Variants in RARB observed in about 807,000 individuals in gnomAD.
The protein encoded by RARB is HBV-activated protein.
A neutral mutation model predicts 51.9 loss-of-function variants in RARB; 17 were observed. The ratio of observed to expected loss-of-function variants is 0.33; its 90% confidence interval spans 0.22 to 0.49. RARB has a LOEUF of 0.49. RARB is among the 20% of genes least tolerant of loss of function. The pLI is 0.99. For synonymous variants in RARB, 215 were observed against 195.4 expected, an observed-to-expected ratio of 1.10 and a Z score of -0.84; for missense variants, 369 against 550.8, an observed-to-expected ratio of 0.67 and a Z score of 3.30.
intron 5 of RARB, among the ~76,000 whole-genome samples, chr3:25,201,019 A>G (rs1701376501): frequency 6.6e-6 from 1 of 152,200 alleles, no homozygotes; most frequent in African/African-American, 2.4e-5. Context: ...TTGAATCTAT[A>G]AATTACCTTG....
chr3:24,841,773 A>G (rs994715659), intron 1 of RARB, among the ~76,000 whole-genome samples: 9 of 152,352 alleles, frequency 5.9e-5, no homozygotes, highest in Admixed American at 3.9e-4. Context: ...TTGTATATCT[A>G]TGAAGAATAA....
At chr3:25,108,113 A>G (rs560347856) in intron 3 of RARB, among the ~76,000 whole-genome samples, 1 of 152,206 alleles carries the variant, frequency 6.6e-6, no homozygotes, top group East Asian at 1.9e-4. Context: ...CACTGGACAA[A>G]GGAATGATTC....
At chr3:25,174,488 C>G (rs1700704021) in exon 5 of RARB, 1 of 1,352,026 alleles carries the variant, frequency 7.4e-7, no homozygotes, top group African/African-American at 1.5e-5. Flanking sequence ...ACTCTTTCCA[C>G]CTGTCATCGG....
intron 2 of RARB, among the ~76,000 whole-genome samples, chr3:25,495,537 A>G (rs1189631498): frequency 6.6e-6 from 1 of 152,236 alleles, no homozygotes; most frequent in Non-Finnish European, 1.5e-5. Flanking sequence ...TGGGCATTCC[A>G]TAATTACTGC....
intron 2 of RARB, among the ~76,000 whole-genome samples, chr3:24,950,883 C>A (rs1695876249): frequency 6.6e-6 from 1 of 152,152 alleles, no homozygotes; most frequent in Admixed American, 6.5e-5. Flanking sequence ...AGAAATGCAA[C>A]TACCTCCACC....
At chr3:25,316,836 G>A (rs1162826906) in intron 5 of RARB, among the ~76,000 whole-genome samples, 1 of 152,128 alleles carries the variant, frequency 6.6e-6, no homozygotes, top group Non-Finnish European at 1.5e-5. Flanking sequence ...TGACTATAAA[G>A]GACAGAGAAA....
intron 5 of RARB, among the ~76,000 whole-genome samples, chr3:25,249,980 T>G (rs1037776590): frequency 1.3e-5 from 1 of 74,868 alleles, no homozygotes; most frequent in Admixed American, 1.1e-4. Flanking sequence ...AGTGGTGGGC[T>G]CGGTGGGTGG....
At chr3:25,032,537 G>A (rs1559441092) in intron 2 of RARB, among the ~76,000 whole-genome samples, 1 of 152,178 alleles carries the variant, frequency 6.6e-6, no homozygotes, top group African/African-American at 2.4e-5. Context: ...AGGCACTACT[G>A]CATATTCAAA....
rs182435766 is a variant in RARB, at chr3:25,292,102, C to A, written c.178+117527C>A. Among the ~76,000 whole-genome samples the A allele has an allele frequency of 5.0e-3, 755 of 151,964 alleles. 3 individuals carry two copies. Among genetic ancestry groups the A allele is most frequent in the Non-Finnish European group, 7.5e-3 (508 of 67,972 alleles). On this transcript the variant is annotated intron_variant, in intron 5 of 11. Coordinates refer to the RARB transcript ENST00000383772. ...TTAATTGTTTCTCAAACTCCCCATC[C>A]TTTTCTTGAAGAATACCCTGCTTCA...
At position 25,309,414 on chromosome 3, in the gene RARB, C is replaced by G. The variant is rs9862980; in HGVS notation, c.178+134839C>G. 3.2e-3 allele frequency among the ~76,000 whole-genome samples: 477 copies of G among 148,524 alleles called. 3 individuals are homozygous for G. Among genetic ancestry groups the G allele is most frequent in the African/African-American group, 0.011 (452 of 40,526 alleles). ...TTGGCTTCCCAAAGTGCTGGGATAACAGGCGTGAGCCACCATGCCCGGCCT... is the reference window on the plus strand; with the variant it reads ...TTGGCTTCCCAAAGTGCTGGGATAAGAGGCGTGAGCCACCATGCCCGGCCT... On this transcript the variant is annotated intron_variant, in intron 5 of 11. Coordinates refer to the RARB transcript ENST00000383772.
intron 3 of RARB, among the ~76,000 whole-genome samples, chr3:25,074,208 A>C (rs62228543): frequency 0.077 from 11,707 of 152,290 alleles, 520 homozygotes; most frequent in Middle Eastern, 0.11. Flanking sequence ...TTTCCTCCCC[A>C]TAAGGGTTTT....
rs939341625 is a variant in RARB at position 25,513,033 on chromosome 3, T to C, written c.448+11710T>C. On this transcript the variant is annotated intron_variant, in intron 3 of 7. Coordinates refer to ENST00000330688, the MANE Select transcript of RARB (RefSeq NM_000965.5). Reference sequence around the variant, plus strand: ...GGCTGGGTGCGATGGCTCATGCCTGTAATCCCAGCACTTTGGGAGGTGGAT... The same window carrying C: ...GGCTGGGTGCGATGGCTCATGCCTGCAATCCCAGCACTTTGGGAGGTGGAT... Among the ~76,000 whole-genome samples the C allele has an allele frequency of 4.6e-5, 7 of 150,582 alleles. No homozygotes were observed. In the Admixed American group the frequency reaches 4.7e-4, roughly 10 times the overall value.
chr3:25,459,387 G>A (rs536576066), intron 1 of RARB, among the ~76,000 whole-genome samples: 1 of 152,338 alleles, frequency 6.6e-6, no homozygotes, highest in African/African-American at 2.4e-5. Context: ...GGGACTCACT[G>A]AAGGAAATGA....
At chr3:25,046,760 T>C (rs533281136) in intron 2 of RARB, among the ~76,000 whole-genome samples, 2 of 152,322 alleles carry the variant, frequency 1.3e-5, no homozygotes, top group South Asian at 4.1e-4. Context: ...TGGCCTATAA[T>C]TGATAATTTA....
Position 25,199,251 on chromosome 3 carries a change from A to G in RARB, c.178+24676A>G, listed in dbSNP as rs140019622. 2.9e-3 allele frequency among the ~76,000 whole-genome samples: 440 copies of G among 152,100 alleles called. 3 individuals are homozygous for G. The highest frequency in any genetic ancestry group is 9.7e-3 in the African/African-American group (403 of 41,520). ...TTTGAGGGAGCTAAAAATTAAAACA[A>G]TTGAACTCATGGAGAAAGTGAGTAG... On this transcript the variant is annotated intron_variant, in intron 5 of 11. Transcript: ENST00000383772.
chr3:25,142,330 A>C (rs924337447), intron 4 of RARB, among the ~76,000 whole-genome samples: 1 of 152,144 alleles, frequency 6.6e-6, no homozygotes, highest in African/African-American at 2.4e-5. Context: ...GCAAGACTCC[A>C]TCTCAAAAAA....
chr3:24,908,244 C>T (rs896132854), intron 2 of RARB, among the ~76,000 whole-genome samples: 43 of 152,124 alleles, frequency 2.8e-4, no homozygotes, highest in African/African-American at 8.4e-4. Context: ...TGATTTAAGG[C>T]GTTCGCTTTC....
At chr3:25,578,193 C>T (rs942873958) in intron 4 of RARB, among the ~76,000 whole-genome samples, 3 of 152,268 alleles carry the variant, frequency 2.0e-5, no homozygotes, top group Non-Finnish European at 4.4e-5. Flanking sequence ...CAGGGCTCTC[C>T]ATTTGCCGCA....
At chr3:25,123,309 G>C (rs1383663154) in intron 3 of RARB, among the ~76,000 whole-genome samples, 2 of 152,148 alleles carry the variant, frequency 1.3e-5, no homozygotes, top group African/African-American at 2.4e-5. Context: ...CATCTGTTTA[G>C]GGGTGGAATA....
Sources: gnomAD v4.1 joint callset for allele counts (sites outside exome capture counted in the v4.1 genomes callset) on GRCh38, gnomAD v4.1.1 for gene constraint, MANE v1.5 for transcripts, NCBI Gene and HGNC (gene_info 2026-07-23, HGNC 2026-07-21) for gene names.